OSBPL6: variants seen among roughly 807,000 people sequenced by gnomAD.
The protein encoded by OSBPL6 is oxysterol binding protein like 6.
A neutral mutation model predicts 125.8 loss-of-function variants in OSBPL6; 49 were observed. The ratio of observed to expected loss-of-function variants is 0.39; its 90% confidence interval spans 0.31 to 0.49. The LOEUF (loss-of-function observed/expected upper bound fraction) is 0.49, where lower values mean the gene tolerates loss of function less well. Ranked by LOEUF, OSBPL6 falls within the 20% of genes least tolerant of loss-of-function variation. The pLI, the probability that OSBPL6 is intolerant of heterozygous loss-of-function variation, is 0.88. For missense variants in OSBPL6, 986 were observed against 1,135.4 expected (o/e 0.87, Z 1.89); for synonymous variants, 394 against 391.8 (o/e 1.01, Z -0.07).
chr2:178,226,015 G>A (rs1051101638), intron 1 of OSBPL6, among the ~76,000 whole-genome samples: 11 of 152,288 alleles, frequency 7.2e-5, no homozygotes, highest in Middle Eastern at 3.4e-3. Context: ...ACCCCCAAAG[G>A]AAGGCAAAGC....
At chr2:178,265,580 G>A (rs972385805) in intron 1 of OSBPL6, among the ~76,000 whole-genome samples, 61 of 151,958 alleles carry the variant, frequency 4.0e-4, no homozygotes, top group African/African-American at 9.7e-4. Context: ...GTCCCTCAGC[G>A]TATTAGAGGT....
In OSBPL6 at chr2:178,303,670, G is replaced by A. The variant is rs1000601203; in HGVS notation, c.-155-2360G>A. Among the ~76,000 whole-genome samples the A allele has an allele frequency of 5.3e-5, 8 of 152,164 alleles. No homozygotes were observed. In the South Asian group the frequency reaches 6.2e-4, roughly 12 times the overall value. Reference sequence around the variant, plus strand: ...GTTTGTCTCCAACTGAATGTCTTCAGCAATGTCTCTAACCACAGTCATGAC... The same window carrying A: ...GTTTGTCTCCAACTGAATGTCTTCAACAATGTCTCTAACCACAGTCATGAC... On this transcript the variant is annotated intron_variant, in intron 2 of 24. Transcript: ENST00000190611.
At chr2:178,229,721 G>A (rs9973573) in intron 1 of OSBPL6, among the ~76,000 whole-genome samples, 6,558 of 152,234 alleles carry the variant, frequency 0.043, 454 homozygotes, top group African/African-American at 0.15. Flanking sequence ...TCTCAGCTAC[G>A]TGGGAAGCTA....
rs753113305 is a variant in OSBPL6, at chr2:178,389,041, C to T, written c.2189C>T (p.Thr730Ile). The T allele has an allele frequency of 6.2e-7, 1 of 1,613,960 alleles. No homozygotes were observed. Among genetic ancestry groups the T allele is most frequent in the Non-Finnish European group, 8.5e-7 (1 of 1,179,972 alleles). ...YGDYYVWNKV[T>I]TCIHNILSGR... ...GATTACTATGTGTGGAATAAAGTCA[C>T]CACTTGCATACACAACATCCTCAGT... The change falls in exon 21 of 25, where the codon ACC becomes ATC. Residue 730 changes from threonine (T) to isoleucine (I), a missense_variant. Transcript: ENST00000190611.
At chr2:178,362,644 C>T (rs1333416983) in intron 13 of OSBPL6, among the ~76,000 whole-genome samples, 1 of 152,144 alleles carries the variant, frequency 6.6e-6, no homozygotes, top group Non-Finnish European at 1.5e-5. Context: ...TGGTTCTCCG[C>T]GTGGAGCAGA....
intron 1 of OSBPL6, among the ~76,000 whole-genome samples, chr2:178,201,691 G>A (rs1464577985): frequency 6.6e-6 from 1 of 152,216 alleles, no homozygotes; most frequent in African/African-American, 2.4e-5. Context: ...GCCAGTGCCA[G>A]ACTTGTACTG....
chr2:178,383,944 C>A, intron 17 of OSBPL6, 95 bp from the exon 18 acceptor site: 2 of 1,363,004 alleles, frequency 1.5e-6, no homozygotes, highest in Middle Eastern at 2.2e-4. Flanking sequence ...CAACACCCAT[C>A]CACATGAGGT....
intron 11 of OSBPL6, chr2:178,344,226 T>A: frequency 7.2e-7 from 1 of 1,390,106 alleles, no homozygotes; most frequent in East Asian, 2.3e-5. Context: ...CATCCTCCCA[T>A]CTTCCATCCT....
At chr2:178,260,881 C>T (rs1268549249) in intron 1 of OSBPL6, among the ~76,000 whole-genome samples, 1 of 152,202 alleles carries the variant, frequency 6.6e-6, no homozygotes, top group Admixed American at 6.5e-5. Flanking sequence ...TGCGGTGGCT[C>T]ATGCCTGTAA....
At chr2:178,254,949 T>C (rs1234050186) in intron 1 of OSBPL6, among the ~76,000 whole-genome samples, 1 of 152,188 alleles carries the variant, frequency 6.6e-6, no homozygotes, top group Non-Finnish European at 1.5e-5. Context: ...TGGGGAGGCC[T>C]CACAATCATG....
intron 1 of OSBPL6, among the ~76,000 whole-genome samples, chr2:178,271,955 G>A (rs1477518236): frequency 1.3e-5 from 2 of 152,186 alleles, no homozygotes; most frequent in Admixed American, 6.5e-5. Flanking sequence ...TCTTTCATCT[G>A]GTTTAGGACT....
rs138992400 is a variant in OSBPL6 at position 178,336,314 on chromosome 2, G to T, written c.671G>T (p.Ser224Ile). 14 of 1,613,714 alleles carry T rather than the reference G, an allele frequency of 8.7e-6. No homozygotes were observed. The African/African-American group carries it at 1.6e-4, about 18-fold the overall frequency. The part of the protein sequence containing the change: ...SVMDGKMQPN[S>I]FPWQSPLPCS... The stretch of plus-strand genomic sequence containing the variant: ...TGTTTGCCGTAGATGCAACCAAACA[G>T]CTTTCCGTGGCAGTCCCCTTTACCA... The change falls in exon 9 of 25, where the codon AGC (serine) becomes ATC (isoleucine). Residue 224 changes from serine (S) to isoleucine (I), a missense_variant. Ser to Ile is a moderately radical substitution (Grantham distance 142). Transcript: ENST00000190611.
intron 11 of OSBPL6, 66 bp downstream of exon 11, chr2:178,339,830 C>A (rs1466752357): frequency 1.7e-6 from 2 of 1,209,190 alleles, no homozygotes; most frequent in Non-Finnish European, 2.3e-6. Flanking sequence ...CTTTATACAT[C>A]AGTTTATGGG....
At position 178,199,801 on chromosome 2, in the gene OSBPL6, T is replaced by A. The variant is rs369070075; in HGVS notation, c.-351+5127T>A. 3.3e-5 allele frequency among the ~76,000 whole-genome samples: 5 copies of A among 152,306 alleles called. No individual in the cohort carries two copies. In the East Asian group the frequency reaches 9.6e-4, roughly 29 times the overall value. On this transcript the variant is annotated intron_variant, in intron 1 of 24. Coordinates refer to ENST00000190611, the MANE Select transcript of OSBPL6 (RefSeq NM_032523.4). Reference sequence around the variant, plus strand: ...ATTGTTTGCCGTTTGAAATGCTAATTATAGTTCTGTTTGGTTTGTGTTTAC... The same window carrying A: ...ATTGTTTGCCGTTTGAAATGCTAATAATAGTTCTGTTTGGTTTGTGTTTAC...
In OSBPL6 at chr2:178,282,525, G is replaced by T. The variant is rs558939609; in HGVS notation, c.-350-2402G>T. On this transcript the variant is annotated intron_variant, in intron 1 of 24. Coordinates refer to ENST00000190611, the MANE Select transcript of OSBPL6 (RefSeq NM_032523.4). ...GGTGAATGAGCAAAAAGAGCTGCAG[G>T]ATAGCACAGGGGACTCTTTAGCTTG... Among the ~76,000 whole-genome samples, 5 of 152,278 alleles carry T rather than the reference G, an allele frequency of 3.3e-5. No individual in the cohort carries two copies. In the South Asian group the frequency reaches 6.2e-4, roughly 19 times the overall value.
chr2:178,227,056 G>T (rs2090594953), intron 1 of OSBPL6, among the ~76,000 whole-genome samples: 1 of 152,124 alleles, frequency 6.6e-6, no homozygotes, highest in African/African-American at 2.4e-5. Context: ...AAAGATGAAA[G>T]GATAGTAGAA....
At chr2:178,373,548 T>G (rs1693596654) in intron 14 of OSBPL6, among the ~76,000 whole-genome samples, 1 of 152,224 alleles carries the variant, frequency 6.6e-6, no homozygotes, top group African/African-American at 2.4e-5. Flanking sequence ...TTCTTCATGT[T>G]TAATGTACCG....
chr2:178,221,442 C>A (rs969316501), intron 1 of OSBPL6, among the ~76,000 whole-genome samples: 12 of 152,030 alleles, frequency 7.9e-5, no homozygotes, highest in African/African-American at 2.9e-4. Context: ...TTGAGCGAAA[C>A]TGAAGGAAAT....
chr2:178,341,253 T>C (rs1574916397), intron 11 of OSBPL6, among the ~76,000 whole-genome samples: 1 of 152,108 alleles, frequency 6.6e-6, no homozygotes, highest in Non-Finnish European at 1.5e-5. Context: ...CTTGGATAGG[T>C]TGGTTCTCAG....
Sources: allele counts gnomAD v4.1 joint callset (sites outside exome capture counted in the v4.1 genomes callset), GRCh38; gene constraint gnomAD v4.1.1; transcripts MANE v1.5; gene names NCBI Gene and HGNC (gene_info 2026-07-23, HGNC 2026-07-21).